The following RAB15 variants were observed in gnomAD, a reference collection of about 807,000 sequenced individuals.
RAB15 encodes the protein RAB15, member RAS oncogene family.
In RAB15, 13 loss-of-function variants were observed where a neutral mutation model predicts 31.8. That is an observed-to-expected ratio of 0.41 (90% CI 0.27 to 0.65). RAB15 has a LOEUF of 0.65. RAB15 is among the 30% of genes least tolerant of loss of function. The probability of loss-of-function intolerance (pLI) is 0.32; values close to 1 mark genes in which losing one functional copy is unlikely to be tolerated. For synonymous variants in RAB15, 100 were observed against 105.6 expected (o/e 0.95, Z 0.33); for missense variants, 220 against 277.3 (o/e 0.79, Z 1.47).
chr14:64,966,217 G>A (rs753905981), intron 1 of RAB15, among the ~76,000 whole-genome samples: 8 of 152,204 alleles, frequency 5.3e-5, no homozygotes, highest in Non-Finnish European at 8.8e-5. Flanking sequence ...TCACCACTGT[G>A]TCCCCAAATC....
At chr14:64,961,169 A>C (rs1886833550) in intron 1 of RAB15, among the ~76,000 whole-genome samples, 1 of 152,332 alleles carries the variant, frequency 6.6e-6, no homozygotes, top group East Asian at 1.9e-4. Context: ...CCCAATCCCC[A>C]GGGCCAGGCC....
chr14:64,971,805 C>T lies in RAB15; in HGVS notation c.124+148G>A. 1 of 749,232 alleles carries T rather than the reference C, an allele frequency of 1.3e-6. No homozygotes were observed. The highest frequency in any genetic ancestry group is 2.1e-6 in the Non-Finnish European group (1 of 466,804). 46.4% of individuals were successfully genotyped at this position (749,232 alleles called of 1,614,324 possible). A position where few individuals can be genotyped will look rare whatever the true frequency, so the allele number is the denominator to read the frequency against. ...ACCCTCACCTGCCAAAACCTATGCT[C>T]ACCCCGAGATTTATCCCGGACTCCG... On this transcript the variant is annotated intron_variant, in intron 1 of 6. Transcript: ENST00000533601. The surrounding 1 kb of genome is among the most constrained non-coding windows in gnomAD (Gnocchi z 4.1).
At chr14:64,961,381 T>A (rs1886848819) in intron 1 of RAB15, among the ~76,000 whole-genome samples, 1 of 152,222 alleles carries the variant, frequency 6.6e-6, no homozygotes. Flanking sequence ...GGCTGTGTCC[T>A]CACCCAAATC....
Position 64,948,629 on chromosome 14 carries a change from A to T in RAB15, c.480+39T>A. 6.2e-7 allele frequency: 1 copy of T among 1,612,920 alleles called. No homozygotes were observed. On this transcript the variant is annotated intron_variant, in intron 6 of 6. Coordinates refer to ENST00000533601, the MANE Select transcript of RAB15 (RefSeq NM_001308154.2). This position sits in a 1 kb window ranked among gnomAD's most constrained non-coding sequence, Gnocchi z 7.0. ...TCCTCCTCCCACCTCTGCTGGACTCAGCCCGAGAGAGCGGGCGCCTGGTCA... is the reference window on the plus strand; with the variant it reads ...TCCTCCTCCCACCTCTGCTGGACTCTGCCCGAGAGAGCGGGCGCCTGGTCA...
At chr14:64,967,385 G>A (rs1594954959) in intron 1 of RAB15, among the ~76,000 whole-genome samples, 2 of 152,198 alleles carry the variant, frequency 1.3e-5, no homozygotes, top group African/African-American at 4.8e-5. Flanking sequence ...CCAGGAGTTC[G>A]AGACCAGCCT....
rs920051664 is a variant in RAB15 at position 64,968,125 on chromosome 14, A to C, written c.124+3828T>G. 1.3e-5 allele frequency among the ~76,000 whole-genome samples: 2 copies of C among 152,220 alleles called. No homozygotes were observed. Among genetic ancestry groups the C allele is most frequent in the African/African-American group, 4.8e-5 (2 of 41,458 alleles). ...TCTGCCTGGCCCTGTACTAGGGACTATAAAAACAATGAGGAATAAGATTTG... is the reference window on the plus strand; with the variant it reads ...TCTGCCTGGCCCTGTACTAGGGACTCTAAAAACAATGAGGAATAAGATTTG... On this transcript the variant is annotated intron_variant, in intron 1 of 6. Transcript: ENST00000533601. The surrounding 1 kb of genome is among the most constrained non-coding windows in gnomAD (Gnocchi z 4.9).
intron 1 of RAB15, among the ~76,000 whole-genome samples, chr14:64,967,174 C>T (rs1594954580): frequency 6.6e-6 from 1 of 152,280 alleles, no homozygotes; most frequent in Non-Finnish European, 1.5e-5. Context: ...CCCAACCTGT[C>T]CAACCAGATC....
Position 64,954,536 on chromosome 14 carries a change from T to G in RAB15, c.125-1965A>C. The G allele has an allele frequency of 1.0e-6, 1 of 985,342 alleles. No homozygotes were observed. The highest frequency in any genetic ancestry group is 1.2e-6 in the Non-Finnish European group (1 of 829,820). 61.0% of individuals were successfully genotyped at this position (985,342 alleles called of 1,614,324 possible). A position where few individuals can be genotyped will look rare whatever the true frequency, so the allele number is the denominator to read the frequency against. On this transcript the variant is annotated intron_variant, in intron 1 of 6. Coordinates refer to ENST00000533601, the MANE Select transcript of RAB15 (RefSeq NM_001308154.2). This position sits in a 1 kb window ranked among gnomAD's most constrained non-coding sequence, Gnocchi z 4.3. Reference sequence around the variant, plus strand: ...GGACAGGAAGAGAGAAGGTTTTATTTCCTTTATCCCACAAACATTTATGGG... The same window carrying G: ...GGACAGGAAGAGAGAAGGTTTTATTGCCTTTATCCCACAAACATTTATGGG...
In RAB15 at chr14:64,968,415, C is replaced by A. The variant is rs557227417; in HGVS notation, c.124+3538G>T. 6.6e-6 allele frequency among the ~76,000 whole-genome samples: 1 copy of A among 152,170 alleles called. No individual in the cohort carries two copies. Among genetic ancestry groups the A allele is most frequent in the Admixed American group, 6.5e-5 (1 of 15,280 alleles). ...AGGGGCCTCTCTCTTCCCCAGCCTC[C>A]GACAGCATGGAGTCGTGGGAATAGC... On this transcript the variant is annotated intron_variant, in intron 1 of 6. Transcript: ENST00000533601. The surrounding 1 kb of genome is among the most constrained non-coding windows in gnomAD (Gnocchi z 4.9).
In RAB15 at chr14:64,950,890, G is replaced by T. The variant is rs540517895; in HGVS notation, c.324+184C>A. On this transcript the variant is annotated intron_variant, in intron 4 of 6. Transcript: ENST00000533601. The surrounding 1 kb of genome is among the most constrained non-coding windows in gnomAD (Gnocchi z 5.6). ...GACACAGCCGTGGAGGCCTGGCAGGGTATAGAGAGTGAGGGCATGGCAGCT... is the reference window on the plus strand; with the variant it reads ...GACACAGCCGTGGAGGCCTGGCAGGTTATAGAGAGTGAGGGCATGGCAGCT... The T allele has an allele frequency of 2.6e-5, 32 of 1,225,804 alleles. No homozygotes were observed. In the African/African-American group the frequency reaches 4.3e-4, roughly 17 times the overall value. The allele number at this position is 1,225,804 out of a possible 1,614,324, so 75.9% of individuals were successfully genotyped here.
At position 64,954,312 on chromosome 14, in the gene RAB15, G is replaced by T. The variant is rs532311518; in HGVS notation, c.125-1741C>A. The T allele has an allele frequency of 1.0e-6, 1 of 985,384 alleles. No individual in the cohort carries two copies. Among genetic ancestry groups the T allele is most frequent in the Non-Finnish European group, 1.2e-6 (1 of 829,924 alleles). The allele number at this position is 985,384 out of a possible 1,614,324, so 61.0% of individuals were successfully genotyped here. On this transcript the variant is annotated intron_variant, in intron 1 of 6. Transcript: ENST00000533601. The surrounding 1 kb of genome is among the most constrained non-coding windows in gnomAD (Gnocchi z 4.3). Reference sequence around the variant, plus strand: ...AGCAGGAGTATGCTTATTTCTGCCTGGATCAACGGTTATCAGGCACCTGTT... The same window carrying T: ...AGCAGGAGTATGCTTATTTCTGCCTTGATCAACGGTTATCAGGCACCTGTT...
chr14:64,954,332 C>A lies in RAB15; in HGVS notation c.125-1761G>T. 3.0e-6 allele frequency: 3 copies of A among 985,368 alleles called. No homozygotes were observed. The highest frequency in any genetic ancestry group is 9.4e-5 in the South Asian group (2 of 21,288). 61.0% of individuals were successfully genotyped at this position (985,368 alleles called of 1,614,324 possible). A position where few individuals can be genotyped will look rare whatever the true frequency, so the allele number is the denominator to read the frequency against. On this transcript the variant is annotated intron_variant, in intron 1 of 6. Coordinates refer to ENST00000533601, the MANE Select transcript of RAB15 (RefSeq NM_001308154.2). This position sits in a 1 kb window ranked among gnomAD's most constrained non-coding sequence, Gnocchi z 4.3. ...TGCCTGGATCAACGGTTATCAGGCA[C>A]CTGTTTCTCCCCAGTACCTGGCATA...
At chr14:64,964,289 C>G (rs191651400) in intron 1 of RAB15, among the ~76,000 whole-genome samples, 1 of 151,838 alleles carries the variant, frequency 6.6e-6, no homozygotes, top group Non-Finnish European at 1.5e-5. Flanking sequence ...TTTGGGAGGC[C>G]GAGGTGGGCG....
chr14:64,951,137 G>A lies in RAB15; in HGVS notation c.261C>T (p.Val87=). Residue 87 remains valine, a synonymous_variant, in exon 4 of 7, where the codon GTC becomes GTT. Coordinates refer to ENST00000533601, the MANE Select transcript of RAB15 (RefSeq NM_001308154.2). The surrounding 1 kb of genome is among the most constrained non-coding windows in gnomAD (Gnocchi z 7.2). ...YYRRAQGIFL[V]YDISSERSYQ... ...AAGAGCGCTCGCTGCTAATGTCATA[G>A]ACCAAAAATATCCCCTGAGAGAGAG... The A allele has an allele frequency of 6.2e-7, 1 of 1,612,092 alleles. No individual in the cohort carries two copies.
At chr14:64,960,172 GCCCT>G (rs1343450271) in intron 1 of RAB15, among the ~76,000 whole-genome samples, 6 of 152,336 alleles carry the variant, frequency 3.9e-5, no homozygotes, top group African/African-American at 1.4e-4. Context: ...GACAGGCAGG[GCCCT>G]CCTCTGGGCA....
chr14:64,950,697 C>T lies in RAB15; in HGVS notation c.325-283G>A, dbSNP rs1886199675. The T allele has an allele frequency of 1.7e-6, 1 of 595,650 alleles. No individual in the cohort carries two copies. 36.9% of individuals were successfully genotyped at this position (595,650 alleles called of 1,614,324 possible). On this transcript the variant is annotated intron_variant, in intron 4 of 6. Transcript: ENST00000533601. This position sits in a 1 kb window ranked among gnomAD's most constrained non-coding sequence, Gnocchi z 5.6. ...GGACATTGGATGTAAGTCCAGCCCT[C>T]ATTCTACAGGAACTGGGGACCCAGA...
chr14:64,952,549 GGTCTTCATCTTAAA>G lies in RAB15; in HGVS notation c.133_146del (p.Phe45HisfsTer40), dbSNP rs1886316427. ...GCACTTTGATGCCGTCTACCTCTATGGTCTTCATCTTAAAGTCAACACCTGAAGAAAGGAAGAAA... is the reference window on the plus strand; with the variant it reads ...GCACTTTGATGCCGTCTACCTCTATGGTCAACACCTGAAGAAAGGAAGAAA... On this transcript the variant is annotated frameshift_variant, in exon 2 of 7. Transcript: ENST00000533601. LOFTEE classifies it high-confidence loss of function. This position sits in a 1 kb window ranked among gnomAD's most constrained non-coding sequence, Gnocchi z 4.2. 1 of 1,611,890 alleles carries G rather than the reference GGTCTTCATCTTAAA, an allele frequency of 6.2e-7. No individual in the cohort carries two copies. The highest frequency in any genetic ancestry group is 8.5e-7 in the Non-Finnish European group (1 of 1,178,432).
Position 64,971,897 on chromosome 14 carries a change from C to A in RAB15, c.124+56G>T. 1 of 1,398,692 alleles carries A rather than the reference C, an allele frequency of 7.1e-7. No homozygotes were observed. 86.6% of individuals were successfully genotyped at this position (1,398,692 alleles called of 1,614,324 possible). On this transcript the variant is annotated intron_variant, in intron 1 of 6. Transcript: ENST00000533601. The surrounding 1 kb of genome is among the most constrained non-coding windows in gnomAD (Gnocchi z 4.1). ...CCTCCCCAGCTGGGGACGGGGGCGG[C>A]GGGGAAAGGGGCCGCGGGCGGGGAG... is the stretch of plus-strand genomic sequence containing the variant.
chr14:64,951,828 G>A lies in RAB15; in HGVS notation c.186-165C>T, dbSNP rs1004817942. Among the ~76,000 whole-genome samples the A allele has an allele frequency of 2.6e-5, 4 of 152,236 alleles. No individual in the cohort carries two copies. The highest frequency in any genetic ancestry group is 4.8e-5 in the African/African-American group (2 of 41,464). On this transcript the variant is annotated intron_variant, in intron 2 of 6. Transcript: ENST00000533601. The surrounding 1 kb of genome is among the most constrained non-coding windows in gnomAD (Gnocchi z 7.2). ...TCTGCAGTCAGAGGCCTGGTCATCT[G>A]TGCTGGTGCTGACCAGGCCTGCAGG...
Sources: gnomAD v4.1 joint callset for allele counts (sites outside exome capture counted in the v4.1 genomes callset) on GRCh38, gnomAD v4.1.1 for gene constraint, Gnocchi (gnomAD v3.1) non-coding constraint, MANE v1.5 for transcripts, NCBI Gene and HGNC (gene_info 2026-07-23, HGNC 2026-07-21) for gene names.